The following NFAM1 variants were observed in gnomAD, a reference collection of about 807,000 sequenced individuals.
The protein encoded by NFAM1 is NFAT activating protein with ITAM motif 1.
Under a neutral mutation model 29.0 loss-of-function variants are expected in NFAM1, and 17 were observed. That is an observed-to-expected ratio of 0.59 (90% CI 0.40 to 0.88). NFAM1 has a LOEUF of 0.88. NFAM1 is among the 40% of genes least tolerant of loss of function. The probability of loss-of-function intolerance (pLI) is 0.00; values close to 1 mark genes in which losing one functional copy is unlikely to be tolerated. For synonymous variants in NFAM1, 175 were observed against 147.2 expected (o/e 1.19, Z -1.36); for missense variants, 324 against 344.6 (o/e 0.94, Z 0.47).
intron 1 of NFAM1, among the ~76,000 whole-genome samples, chr22:42,431,012 C>T (rs1432425639): frequency 6.6e-6 from 1 of 152,172 alleles, no homozygotes; most frequent in Non-Finnish European, 1.5e-5. Context: ...GGGCTGCAGC[C>T]TGGGGAGGTA....
chr22:42,420,653 C>T (rs1930416483), intron 1 of NFAM1, among the ~76,000 whole-genome samples: 1 of 151,868 alleles, frequency 6.6e-6, no homozygotes, highest in Admixed American at 6.6e-5. Context: ...GTGATCCCAG[C>T]TACTCGGGAG....
At position 42,385,267 on chromosome 22, in the gene NFAM1, T is replaced by G. The variant is rs781505627; in HGVS notation, c.754-47A>C. 8 of 1,325,586 alleles carry G rather than the reference T, an allele frequency of 6.0e-6. No homozygotes were observed. In the Admixed American group the frequency reaches 1.3e-4, roughly 22 times the overall value. 82.1% of individuals were successfully genotyped at this position (1,325,586 alleles called of 1,614,324 possible). ...GAGGGAAGGAGAGAAAGAGAGAGAATGACCATTAAGAATGAACTTGCACTA... is the reference window on the plus strand; with the variant it reads ...GAGGGAAGGAGAGAAAGAGAGAGAAGGACCATTAAGAATGAACTTGCACTA... On this transcript the variant is annotated intron_variant, in intron 5 of 5. Transcript: ENST00000329021.
At chr22:42,414,887 T>C (rs1569233196) in intron 1 of NFAM1, among the ~76,000 whole-genome samples, 1 of 152,326 alleles carries the variant, frequency 6.6e-6, no homozygotes, top group East Asian at 1.9e-4. Context: ...GGTATCCTTC[T>C]AGAAAATGAT....
chr22:42,394,276 G>C (rs1231593539), intron 4 of NFAM1, among the ~76,000 whole-genome samples: 1 of 152,114 alleles, frequency 6.6e-6, no homozygotes, highest in Non-Finnish European at 1.5e-5. Flanking sequence ...CACCTCAGGT[G>C]ATCCACCAGC....
At chr22:42,389,671 T>C (rs1230270929) in intron 4 of NFAM1, among the ~76,000 whole-genome samples, 2 of 5,728 alleles carry the variant, frequency 3.5e-4, no homozygotes, top group African/African-American at 1.6e-3. Context: ...TGTTGGGGGC[T>C]GGGGGGCTGG....
chr22:42,429,028 A>C (rs1930713872), intron 1 of NFAM1, among the ~76,000 whole-genome samples: 1 of 152,182 alleles, frequency 6.6e-6, no homozygotes, highest in African/African-American at 2.4e-5. Context: ...TCAAGAAGCC[A>C]GAGGACAGGC....
chr22:42,435,904 C>T (rs1192781815), upstream of NFAM1, among the ~76,000 whole-genome samples: 17 of 147,886 alleles, frequency 1.1e-4, no homozygotes, highest in Admixed American at 3.4e-4. Context: ...ACTGAAATCT[C>T]TGCCTTGCGG....
At chr22:42,393,248 C>G (rs1929405307) in intron 4 of NFAM1, among the ~76,000 whole-genome samples, 1 of 151,802 alleles carries the variant, frequency 6.6e-6, no homozygotes, top group South Asian at 2.1e-4. Flanking sequence ...ATTGAGAAAA[C>G]AGGCCAAAAA....
At chr22:42,432,112 G>A (rs867222907) in intron 1 of NFAM1, 125 bp downstream of exon 1, 14 of 872,528 alleles carry the variant, frequency 1.6e-5, no homozygotes, top group Non-Finnish European at 1.9e-5. Flanking sequence ...AGTCTGCAGC[G>A]TTCAAACGAC....
chr22:42,389,304 G>A (rs550441779), intron 4 of NFAM1, among the ~76,000 whole-genome samples: 105 of 152,272 alleles, frequency 6.9e-4, no homozygotes, highest in African/African-American at 2.3e-3. Context: ...GGGAATAGGC[G>A]AGTGGGCGGT....
rs1442689232 is a variant in NFAM1 at position 42,380,718 on chromosome 22, A to G, written c.*4443T>C. ...TGTCTGCCAAGAAAACTATTGAACTACATAAAAATCCATCCCTGAAATCCC... is the reference window on the plus strand; with the variant it reads ...TGTCTGCCAAGAAAACTATTGAACTGCATAAAAATCCATCCCTGAAATCCC... On this transcript the variant is annotated 3_prime_UTR_variant, in exon 6 of 6. Coordinates refer to ENST00000329021, the MANE Select transcript of NFAM1 (RefSeq NM_145912.8). The G allele has an allele frequency of 6.5e-6, 1 of 152,676 alleles. No homozygotes were observed. The highest frequency in any genetic ancestry group is 2.4e-5 in the African/African-American group (1 of 41,462). The allele number at this position is 152,676 out of a possible 1,614,324, so 9.5% of individuals were successfully genotyped here.
chr22:42,383,713 G>T lies in NFAM1; in HGVS notation c.*1448C>A. The T allele has an allele frequency of 6.5e-6, 1 of 152,886 alleles. No individual in the cohort carries two copies. Among genetic ancestry groups the T allele is most frequent in the Non-Finnish European group, 1.5e-5 (1 of 68,112 alleles). The allele number at this position is 152,886 out of a possible 1,614,324, so 9.5% of individuals were successfully genotyped here. ...TTCTGTGAGCCAGTAGCCCAGTGCTGCTTGGGGGCAGGGGCGGGGCCTGTG... is the reference window on the plus strand; with the variant it reads ...TTCTGTGAGCCAGTAGCCCAGTGCTTCTTGGGGGCAGGGGCGGGGCCTGTG... On this transcript the variant is annotated 3_prime_UTR_variant, in exon 6 of 6. Coordinates refer to ENST00000329021, the MANE Select transcript of NFAM1 (RefSeq NM_145912.8).
intron 1 of NFAM1, among the ~76,000 whole-genome samples, chr22:42,424,455 A>C (rs958234676): frequency 6.6e-6 from 1 of 152,168 alleles, no homozygotes; most frequent in South Asian, 2.1e-4. Flanking sequence ...ACATACAAAC[A>C]ACAAGAAAAA....
chr22:42,405,398 G>A (rs115518786), intron 3 of NFAM1, among the ~76,000 whole-genome samples: 1,957 of 152,304 alleles, frequency 0.013, 49 homozygotes, highest in African/African-American at 0.045. Context: ...CCCAGTTTCT[G>A]TGTCCACGCC....
At chr22:42,423,635 C>G (rs1435391400) in intron 1 of NFAM1, among the ~76,000 whole-genome samples, 1 of 152,090 alleles carries the variant, frequency 6.6e-6, no homozygotes, top group Non-Finnish European at 1.5e-5. Context: ...GGGAGGACCA[C>G]TTGAGTCCAG....
At chr22:42,430,881 T>C (rs566483030) in intron 1 of NFAM1, among the ~76,000 whole-genome samples, 3 of 152,186 alleles carry the variant, frequency 2.0e-5, no homozygotes, top group African/African-American at 7.2e-5. Context: ...AAAATGACTG[T>C]AGTTGAGACA....
chr22:42,409,369 G>A lies in NFAM1; in HGVS notation c.564+66C>T. 1 of 847,946 alleles carries A rather than the reference G, an allele frequency of 1.2e-6. No individual in the cohort carries two copies. The highest frequency in any genetic ancestry group is 1.8e-6 in the Non-Finnish European group (1 of 563,848). The allele number at this position is 847,946 out of a possible 1,614,324, so 52.5% of individuals were successfully genotyped here. A position where few individuals can be genotyped will look rare whatever the true frequency, so the allele number is the denominator to read the frequency against. ...AGGGCCCACCAAACGCCCTGCAGAGGGCAGGCGGGCAGCCGGTGGCGTGTC... is the reference window on the plus strand; with the variant it reads ...AGGGCCCACCAAACGCCCTGCAGAGAGCAGGCGGGCAGCCGGTGGCGTGTC... On this transcript the variant is annotated intron_variant, in intron 3 of 5. Transcript: ENST00000329021. The surrounding 1 kb of genome is among the most constrained non-coding windows in gnomAD (Gnocchi z 4.9).
upstream of NFAM1, among the ~76,000 whole-genome samples, chr22:42,433,992 A>G (rs1013286354): frequency 3.3e-5 from 5 of 152,126 alleles, no homozygotes; most frequent in African/African-American, 7.2e-5. Flanking sequence ...GCTGAATGCC[A>G]AACTGCCTCG....
intron 3 of NFAM1, among the ~76,000 whole-genome samples, chr22:42,400,212 C>G (rs2147099479): frequency 6.6e-6 from 1 of 152,336 alleles, no homozygotes; most frequent in South Asian, 2.1e-4. Flanking sequence ...AGACACAGAG[C>G]AGTGCTGGCG....
Sources: gnomAD v4.1 joint callset for allele counts (sites outside exome capture counted in the v4.1 genomes callset) on GRCh38, gnomAD v4.1.1 for gene constraint, Gnocchi (gnomAD v3.1) non-coding constraint, MANE v1.5 for transcripts, NCBI Gene and HGNC (gene_info 2026-07-23, HGNC 2026-07-21) for gene names.